RALYL: variants seen among roughly 807,000 people sequenced by gnomAD.
The protein encoded by RALYL is RALY RNA binding protein like.
Under a neutral mutation model 35.1 loss-of-function variants are expected in RALYL, and 29 were observed. The observed-to-expected ratio is 0.83, with a 90% CI of 0.61 to 1.13. The LOEUF (loss-of-function observed/expected upper bound fraction) is 1.13. Ranked by LOEUF, RALYL falls within the 50% of genes most tolerant of loss-of-function variation. RALYL has a pLI of 0.00. For synonymous variants in RALYL, 120 were observed against 127.6 expected (o/e 0.94, Z 0.40); for missense variants, 359 against 360.4 (o/e 1.00, Z 0.03).
rs138116119 is a variant in RALYL, at chr8:84,296,967, A to G, written c.-24+112543A>G. Among the ~76,000 whole-genome samples, 1,162 of 151,948 alleles carry G rather than the reference A, an allele frequency of 7.6e-3. 19 individuals are homozygous for G. Among genetic ancestry groups the G allele is most frequent in the African/African-American group, 0.027 (1,117 of 41,476 alleles). On this transcript the variant is annotated intron_variant, in intron 1 of 8. Transcript: ENST00000521268. ...GCACCTTAAATTCTATATGTGACAG[A>G]TGAGTTGGTCCTGGAAGAAACTGAA...
chr8:84,263,748 A>G (rs551826149), intron 1 of RALYL, among the ~76,000 whole-genome samples: 1 of 151,936 alleles, frequency 6.6e-6, no homozygotes. Flanking sequence ...TTCTCCTAAT[A>G]CTCTATCCTT....
intron 2 of RALYL, among the ~76,000 whole-genome samples, chr8:84,721,116 C>T (rs2132637124): frequency 6.6e-6 from 1 of 151,810 alleles, no homozygotes; most frequent in East Asian, 1.9e-4. Context: ...ATCTGTAATC[C>T]CAGCATTTCA....
chr8:84,368,217 G>A (rs370801640), intron 1 of RALYL, among the ~76,000 whole-genome samples: 6 of 152,222 alleles, frequency 3.9e-5, no homozygotes, highest in South Asian at 2.1e-4. Flanking sequence ...ATGTGCAAGC[G>A]CTATTCTCTC....
intron 1 of RALYL, among the ~76,000 whole-genome samples, chr8:84,482,283 A>G (rs1564009830): frequency 6.6e-6 from 1 of 152,132 alleles, no homozygotes; most frequent in Admixed American, 6.6e-5. Flanking sequence ...GTGAAAAAGT[A>G]TCCTGTGTAA....
intron 2 of RALYL, among the ~76,000 whole-genome samples, chr8:84,630,392 ACTT>A (rs1367047661): frequency 3.3e-5 from 5 of 151,924 alleles, no homozygotes; most frequent in Non-Finnish European, 7.4e-5. Context: ...ACTTTAAAAA[ACTT>A]CAAACAACAA....
chr8:84,654,142 C>T (rs1336626867), intron 2 of RALYL, among the ~76,000 whole-genome samples: 1 of 146,726 alleles, frequency 6.8e-6, no homozygotes, highest in Non-Finnish European at 1.5e-5. Flanking sequence ...ATATATGTTA[C>T]ATATATATAG....
intron 1 of RALYL, among the ~76,000 whole-genome samples, chr8:84,301,455 T>C (rs192056662): frequency 2.8e-4 from 42 of 152,222 alleles, no homozygotes; most frequent in Admixed American, 9.8e-4. Flanking sequence ...GAAATTTTCA[T>C]GGACAATATC....
intron 2 of RALYL, among the ~76,000 whole-genome samples, chr8:84,751,699 G>A (rs748609164): frequency 2.6e-5 from 4 of 152,012 alleles, no homozygotes; most frequent in Non-Finnish European, 4.4e-5. Flanking sequence ...GAAGTATGTA[G>A]CACCTCCCCA....
chr8:84,693,220 A>G (rs1838428550), intron 2 of RALYL, among the ~76,000 whole-genome samples: 1 of 151,968 alleles, frequency 6.6e-6, no homozygotes, highest in East Asian at 1.9e-4. Flanking sequence ...CACACTGCTA[A>G]AAAGAAGTGC....
chr8:84,218,961 A>C (rs917810545), intron 1 of RALYL, among the ~76,000 whole-genome samples: 3 of 152,104 alleles, frequency 2.0e-5, no homozygotes, highest in African/African-American at 7.2e-5. Flanking sequence ...CTAACTTCCC[A>C]CATCTGAATC....
At chr8:84,565,664 C>T (rs530945623) in intron 2 of RALYL, among the ~76,000 whole-genome samples, 2 of 151,582 alleles carry the variant, frequency 1.3e-5, no homozygotes, top group Non-Finnish European at 3.0e-5. Flanking sequence ...TAATAAATGT[C>T]AATAAATAGT....
chr8:84,652,146 C>G (rs1034536046), intron 2 of RALYL, among the ~76,000 whole-genome samples: 3 of 152,022 alleles, frequency 2.0e-5, no homozygotes, highest in Non-Finnish European at 4.4e-5. Flanking sequence ...AGGCACAGCA[C>G]TGGACTATAA....
At chr8:84,207,208 A>G (rs537501897) in intron 1 of RALYL, among the ~76,000 whole-genome samples, 44 of 152,300 alleles carry the variant, frequency 2.9e-4, no homozygotes, top group African/African-American at 1.0e-3. Flanking sequence ...AGATATCTGT[A>G]CTTCCACATT....
At chr8:84,651,295 T>C (rs1268157123) in intron 2 of RALYL, among the ~76,000 whole-genome samples, 3 of 151,810 alleles carry the variant, frequency 2.0e-5, no homozygotes, top group Non-Finnish European at 4.4e-5. Context: ...GATAGCATGA[T>C]ATGAATGCCA....
intron 4 of RALYL, among the ~76,000 whole-genome samples, chr8:84,810,647 G>T (rs1034546549): frequency 1.4e-4 from 21 of 152,192 alleles, no homozygotes; most frequent in Admixed American, 1.4e-3. Flanking sequence ...ATTAGTAATT[G>T]TTTTATAAAT....
chr8:84,567,624 T>C (rs931466070), intron 2 of RALYL, among the ~76,000 whole-genome samples: 14 of 151,850 alleles, frequency 9.2e-5, no homozygotes, highest in Non-Finnish European at 1.5e-5. Flanking sequence ...TTAGGTTGGT[T>C]CCATGACTTT....
intron 2 of RALYL, among the ~76,000 whole-genome samples, chr8:84,562,500 TC>T (rs2061527664): frequency 6.6e-6 from 1 of 151,974 alleles, no homozygotes; most frequent in South Asian, 2.1e-4. Context: ...ATTTGTTTTT[TC>T]CTTATAGTTA....
At chr8:84,203,755 A>G (rs1200301723) in intron 1 of RALYL, among the ~76,000 whole-genome samples, 1 of 152,136 alleles carries the variant, frequency 6.6e-6, no homozygotes, top group African/African-American at 2.4e-5. Context: ...CCTAGATTAT[A>G]TGCTTCTTAA....
At chr8:84,428,077 G>GTCTCTCTCTC (rs71271988) in intron 1 of RALYL, among the ~76,000 whole-genome samples, 19 of 129,316 alleles carry the variant, frequency 1.5e-4, no homozygotes, top group African/African-American at 4.9e-4. Context: ...CTTGCTCGCT[G>GTCTCTCTCTC]TCTCTCTCTC....
Sources: allele counts gnomAD v4.1 joint callset (sites outside exome capture counted in the v4.1 genomes callset), GRCh38; gene constraint gnomAD v4.1.1; transcripts MANE v1.5; gene names NCBI Gene and HGNC (gene_info 2026-07-23, HGNC 2026-07-21).